The following ESRRG variants were observed in gnomAD, a reference collection of about 807,000 sequenced individuals.
ESRRG encodes the protein estrogen related receptor gamma.
A neutral mutation model predicts 44.0 loss-of-function variants in ESRRG; 13 were observed. The observed-to-expected ratio is 0.30, with a 90% CI of 0.19 to 0.47. The LOEUF is 0.47. Ranked by LOEUF, ESRRG falls within the 20% of genes least tolerant of loss-of-function variation. ESRRG has a pLI of 1.00. For synonymous variants in ESRRG, 215 were observed against 214.6 expected, an observed-to-expected ratio of 1.00 and a Z score of -0.02; for missense variants, 395 against 580.6, an observed-to-expected ratio of 0.68 and a Z score of 3.29.
chr1:216,647,728 T>A (rs1195793492), intron 3 of ESRRG, among the ~76,000 whole-genome samples: 20 of 152,250 alleles, frequency 1.3e-4, no homozygotes, highest in South Asian at 2.1e-4. Flanking sequence ...AAGCTAACGA[T>A]TATTATTTTT....
chr1:216,730,277 C>G (rs928308254), intron 2 of ESRRG, among the ~76,000 whole-genome samples: 8 of 140,050 alleles, frequency 5.7e-5, no homozygotes, highest in Middle Eastern at 4.0e-3. Context: ...CCAAATGGTC[C>G]TCTACTTTCT....
intron 1 of ESRRG, among the ~76,000 whole-genome samples, chr1:217,105,316 G>A (rs1326875507): frequency 1.3e-5 from 2 of 152,334 alleles, no homozygotes; most frequent in East Asian, 3.9e-4. Context: ...ATTCAGGCAT[G>A]TGCTAAGTCC....
intron 5 of ESRRG, among the ~76,000 whole-genome samples, chr1:216,554,396 A>G (rs12749992): frequency 0.27 from 41,346 of 151,326 alleles, 6,994 homozygotes; most frequent in Admixed American, 0.39. Context: ...GGAGGTTGCA[A>G]TGAGCCAAGA....
At chr1:216,600,956 G>C (rs2059140552) in intron 3 of ESRRG, among the ~76,000 whole-genome samples, 1 of 152,196 alleles carries the variant, frequency 6.6e-6, no homozygotes, top group Admixed American at 6.5e-5. Context: ...GACTGTTGAT[G>C]ATAAAATAGC....
At chr1:216,898,498 A>T (rs1363397224) in intron 2 of ESRRG, among the ~76,000 whole-genome samples, 1 of 152,064 alleles carries the variant, frequency 6.6e-6, no homozygotes, top group Non-Finnish European at 1.5e-5. Flanking sequence ...GGTGCCTGTA[A>T]TCCCAGCTAC....
chr1:216,660,344 C>A (rs2071965728), intron 2 of ESRRG, among the ~76,000 whole-genome samples: 1 of 152,162 alleles, frequency 6.6e-6, no homozygotes, highest in South Asian at 2.1e-4. Flanking sequence ...AGGAGAATAA[C>A]AAACACTAAG....
chr1:216,909,347 T>C (rs141420824), intron 2 of ESRRG, among the ~76,000 whole-genome samples: 1 of 151,942 alleles, frequency 6.6e-6, no homozygotes, highest in East Asian at 1.9e-4. Context: ...GCACAGGGAG[T>C]GGCCTGGTGG....
chr1:216,626,848 A>G (rs2063279571), intron 3 of ESRRG, among the ~76,000 whole-genome samples: 1 of 152,220 alleles, frequency 6.6e-6, no homozygotes, highest in African/African-American at 2.4e-5. Flanking sequence ...TAAAAATGAG[A>G]GAGTCAGGGC....
At chr1:216,546,367 T>C (rs2054517048) in intron 5 of ESRRG, among the ~76,000 whole-genome samples, 1 of 151,600 alleles carries the variant, frequency 6.6e-6, no homozygotes, top group African/African-American at 2.4e-5. Flanking sequence ...TTTGGAAACC[T>C]AATCTACACA....
At position 216,873,409 on chromosome 1, in the gene ESRRG, G is replaced by A. The variant is rs536083831; in HGVS notation, c.-14+66173C>T. Among the ~76,000 whole-genome samples the A allele has an allele frequency of 1.3e-3, 200 of 151,692 alleles. 1 individual carries two copies. The highest frequency in any genetic ancestry group is 1.6e-3 in the Admixed American group (25 of 15,248). ...GTATTTTTAGTAGAGATGGGGTTTC[G>A]CCACATTGGCCAGGCTGGTCTCGAA... On this transcript the variant is annotated intron_variant, in intron 2 of 7. Transcript: ENST00000359162.
intron 1 of ESRRG, among the ~76,000 whole-genome samples, chr1:216,694,400 G>A (rs775113854): frequency 1.3e-5 from 2 of 152,004 alleles, no homozygotes; most frequent in African/African-American, 2.4e-5. Context: ...GAAGTCCATT[G>A]GGGCCAGATT....
At chr1:217,047,799 G>A (rs778048277) in intron 1 of ESRRG, among the ~76,000 whole-genome samples, 1 of 152,148 alleles carries the variant, frequency 6.6e-6, no homozygotes, top group Non-Finnish European at 1.5e-5. Flanking sequence ...TGTACAAAGA[G>A]AGAAAAGGAA....
At chr1:217,003,948 A>C (rs980073257) in intron 1 of ESRRG, among the ~76,000 whole-genome samples, 1 of 151,978 alleles carries the variant, frequency 6.6e-6, no homozygotes, top group East Asian at 1.9e-4. Context: ...TCAAATTTGG[A>C]AATATGGTTT....
intron 1 of ESRRG, among the ~76,000 whole-genome samples, chr1:217,036,993 C>A (rs2083022349): frequency 6.6e-6 from 1 of 152,100 alleles, no homozygotes; most frequent in African/African-American, 2.4e-5. Context: ...TCTTCCCAGG[C>A]CAGAGGAATC....
chr1:216,953,346 C>T (rs776064707), intron 1 of ESRRG, among the ~76,000 whole-genome samples: 15 of 152,110 alleles, frequency 9.9e-5, no homozygotes, highest in Non-Finnish European at 2.1e-4. Context: ...TCTGCACGAC[C>T]GCACCTGCTC....
At chr1:217,082,808 T>C (rs1347433628) in intron 1 of ESRRG, among the ~76,000 whole-genome samples, 1 of 152,188 alleles carries the variant, frequency 6.6e-6, no homozygotes, top group Non-Finnish European at 1.5e-5. Flanking sequence ...AATTTAGGTG[T>C]TAAAAGCCAT....
chr1:216,721,115 C>G lies in ESRRG; in HGVS notation c.56+2129G>C, dbSNP rs1376344825. Among the ~76,000 whole-genome samples, 6 of 152,160 alleles carry G rather than the reference C, an allele frequency of 3.9e-5. No homozygotes were observed. In the East Asian group the frequency reaches 9.6e-4, roughly 24 times the overall value. On this transcript the variant is annotated intron_variant, in intron 1 of 6. Transcript: ENST00000408911. ...TGCTATTAAATGTGAAACAAGCTTT[C>G]AAGTATTATGTTCTTTAATGTGCTG...
chr1:216,546,262 G>A (rs571899980), intron 5 of ESRRG, among the ~76,000 whole-genome samples: 13 of 152,154 alleles, frequency 8.5e-5, no homozygotes, highest in African/African-American at 2.9e-4. Context: ...TCAACTACTG[G>A]CTTGTGATGA....
chr1:216,593,898 A>T (rs572527557), intron 3 of ESRRG, among the ~76,000 whole-genome samples: 68 of 152,010 alleles, frequency 4.5e-4, no homozygotes, highest in African/African-American at 1.6e-3. Context: ...GCCCAGCTAA[A>T]TTTTTTTTAT....
Sources: gnomAD v4.1 joint callset for allele counts (sites outside exome capture counted in the v4.1 genomes callset) on GRCh38, gnomAD v4.1.1 for gene constraint, MANE v1.5 for transcripts, NCBI Gene and HGNC (gene_info 2026-07-23, HGNC 2026-07-21) for gene names.